Variants in ATP8A2 observed in about 807,000 individuals in gnomAD.
ATP8A2 encodes the protein phospholipid-transporting ATPase IB.
Under a neutral mutation model 165.6 loss-of-function variants are expected in ATP8A2, and 100 were observed. The observed-to-expected ratio is 0.60, with a 90% confidence interval of 0.51 to 0.71. The LOEUF is 0.71. Among genes scored for constraint, ATP8A2 ranks in the 30% least tolerant of loss-of-function variants. ATP8A2 has a pLI of 0.00. For missense variants in ATP8A2, 1,227 were observed against 1,479.5 expected (o/e 0.83, Z 2.80); for synonymous variants, 543 against 548.8 (o/e 0.99, Z 0.15).
intron 1 of ATP8A2, among the ~76,000 whole-genome samples, chr13:25,430,032 G>A (rs2034562418): frequency 6.6e-6 from 1 of 152,178 alleles, no homozygotes; most frequent in African/African-American, 2.4e-5. Flanking sequence ...ATCAGTCATG[G>A]CTCTGATGTT....
chr13:25,580,985 T>G (rs2039760502), intron 22 of ATP8A2, among the ~76,000 whole-genome samples: 1 of 152,236 alleles, frequency 6.6e-6, no homozygotes, highest in African/African-American at 2.4e-5. Flanking sequence ...TTTAATGTAC[T>G]GAATTAAAAT....
chr13:25,984,166 G>A (rs1435992938), intron 35 of ATP8A2, among the ~76,000 whole-genome samples: 1 of 152,008 alleles, frequency 6.6e-6, no homozygotes, highest in Non-Finnish European at 1.5e-5. Context: ...GAGCCCAGGA[G>A]TTCCAGGCTG....
chr13:25,888,329 C>T (rs1953231142), intron 33 of ATP8A2, among the ~76,000 whole-genome samples: 1 of 152,186 alleles, frequency 6.6e-6, no homozygotes, highest in African/African-American at 2.4e-5. Flanking sequence ...CACTTGTCCT[C>T]CTTAAACAAC....
intron 33 of ATP8A2, among the ~76,000 whole-genome samples, chr13:25,910,515 C>T (rs538177624): frequency 6.6e-6 from 1 of 152,304 alleles, no homozygotes; most frequent in Non-Finnish European, 1.5e-5. Flanking sequence ...ACCTTATCAG[C>T]TGTGTGTGAG....
intron 27 of ATP8A2, among the ~76,000 whole-genome samples, chr13:25,807,955 A>T (rs928805001): frequency 6.6e-6 from 1 of 152,094 alleles, no homozygotes; most frequent in African/African-American, 2.4e-5. Context: ...ACTGCATCTG[A>T]TACTGAGGCT....
intron 27 of ATP8A2, among the ~76,000 whole-genome samples, chr13:25,807,656 A>G (rs1208376679): frequency 6.6e-6 from 1 of 152,238 alleles, no homozygotes; most frequent in Non-Finnish European, 1.5e-5. Flanking sequence ...ATGGAAAAGT[A>G]TCTTTAATCC....
intron 1 of ATP8A2, among the ~76,000 whole-genome samples, chr13:25,389,047 A>G (rs1210866634): frequency 6.6e-6 from 1 of 152,194 alleles, no homozygotes; most frequent in Non-Finnish European, 1.5e-5. Flanking sequence ...ACTCATCACA[A>G]TTAAATTACC....
intron 27 of ATP8A2, among the ~76,000 whole-genome samples, chr13:25,810,749 T>C (rs1950848663): frequency 6.6e-6 from 1 of 151,954 alleles, no homozygotes; most frequent in Non-Finnish European, 1.5e-5. Flanking sequence ...CAATAGGGTG[T>C]GGAGAAAGAG....
At chr13:25,663,096 T>A (rs2042084358) in intron 24 of ATP8A2, among the ~76,000 whole-genome samples, 1 of 152,148 alleles carries the variant, frequency 6.6e-6, no homozygotes, top group Non-Finnish European at 1.5e-5. Flanking sequence ...GCTTGGCAGA[T>A]TTGAGGACAT....
intron 35 of ATP8A2, among the ~76,000 whole-genome samples, chr13:25,986,299 T>G (rs1040865557): frequency 1.3e-5 from 2 of 152,248 alleles, no homozygotes; most frequent in Non-Finnish European, 2.9e-5. Context: ...ATGCTATACA[T>G]TAGCTCTCCA....
At chr13:25,751,261 G>C (rs955586125) in intron 25 of ATP8A2, among the ~76,000 whole-genome samples, 1 of 152,114 alleles carries the variant, frequency 6.6e-6, no homozygotes, top group Admixed American at 6.5e-5. Flanking sequence ...AAGGGTAAAG[G>C]CACAGTGCAA....
chr13:25,703,569 C>A (rs2042995202), intron 25 of ATP8A2, among the ~76,000 whole-genome samples: 1 of 152,040 alleles, frequency 6.6e-6, no homozygotes, highest in African/African-American at 2.4e-5. Flanking sequence ...GGAAAACAAC[C>A]CACATATGAA....
At chr13:25,607,002 G>C (rs1409756952) in intron 24 of ATP8A2, among the ~76,000 whole-genome samples, 4 of 152,260 alleles carry the variant, frequency 2.6e-5, no homozygotes, top group African/African-American at 4.8e-5. Flanking sequence ...TGAGTGGCAG[G>C]CGAGCTCCCA....
intron 1 of ATP8A2, among the ~76,000 whole-genome samples, chr13:25,400,524 A>C (rs1361549718): frequency 6.6e-6 from 1 of 152,224 alleles, no homozygotes; most frequent in Admixed American, 6.5e-5. Flanking sequence ...TATCATTTCA[A>C]GTCCTCTCTA....
At chr13:25,719,705 G>A (rs2138025091) in intron 25 of ATP8A2, among the ~76,000 whole-genome samples, 1 of 152,346 alleles carries the variant, frequency 6.6e-6, no homozygotes, top group South Asian at 2.1e-4. Flanking sequence ...CTGGCAGCAA[G>A]GGTTCTGAAA....
chr13:25,577,919 C>A (rs9581399), intron 20 of ATP8A2, among the ~76,000 whole-genome samples: 2,230 of 152,272 alleles, frequency 0.015, 58 homozygotes, highest in African/African-American at 0.05. Context: ...GAGCTTTTTA[C>A]AAATGAAGGA....
At chr13:25,831,505 ACT>A (rs1273970607) in intron 28 of ATP8A2, among the ~76,000 whole-genome samples, 2 of 152,008 alleles carry the variant, frequency 1.3e-5, no homozygotes, top group Non-Finnish European at 2.9e-5. Flanking sequence ...GAGCCACCAC[ACT>A]CAGCCTCTCA....
intron 24 of ATP8A2, among the ~76,000 whole-genome samples, chr13:25,609,534 G>GAGATTCAAATATATATATATATATTT (rs1421989174): frequency 1.9e-4 from 8 of 42,184 alleles, no homozygotes; most frequent in Non-Finnish European, 3.6e-4. Flanking sequence ...ATATATATTT[G>GAGATTCAAATATATATATATATATTT]GGATTCAAAT....
chr13:25,940,166 C>T (rs1386264601), intron 33 of ATP8A2, among the ~76,000 whole-genome samples: 1 of 151,490 alleles, frequency 6.6e-6, no homozygotes, highest in Non-Finnish European at 1.5e-5. Context: ...AGGGGCTGGA[C>T]TCCTCTGCTC....
Sources: allele counts gnomAD v4.1 joint callset (sites outside exome capture counted in the v4.1 genomes callset), GRCh38; gene constraint gnomAD v4.1.1; transcripts MANE v1.5; gene names NCBI Gene and HGNC (gene_info 2026-07-23, HGNC 2026-07-21).